DOP1B: variants seen among roughly 807,000 people sequenced by gnomAD.
DOP1B encodes the protein DOP1 leucine zipper like protein B.
In DOP1B, 174 loss-of-function variants were observed where a neutral mutation model predicts 233.5. The ratio of observed to expected loss-of-function variants is 0.75; its 90% CI spans 0.66 to 0.85. The LOEUF is 0.85. Among genes scored for constraint, DOP1B ranks in the 40% least tolerant of loss-of-function variants. The pLI is 0.00. For missense variants in DOP1B, 2,652 were observed against 2,846.6 expected (o/e 0.93, Z 1.56); for synonymous variants, 1,190 against 1,185.6 (o/e 1.00, Z -0.08).
intron 26 of DOP1B, among the ~76,000 whole-genome samples, chr21:36,267,429 C>G (rs2067242210): frequency 6.6e-6 from 1 of 152,126 alleles, no homozygotes. Flanking sequence ...CTACATTGGC[C>G]AGTATAGTAG....
intron 5 of DOP1B, among the ~76,000 whole-genome samples, chr21:36,209,859 G>A (rs969025606): frequency 5.3e-5 from 8 of 152,118 alleles, no homozygotes; most frequent in African/African-American, 1.7e-4. Context: ...TGTTCAGATT[G>A]AATTCGCAGG....
chr21:36,158,678 C>T (rs993436386), intron 1 of DOP1B, among the ~76,000 whole-genome samples: 4 of 151,792 alleles, frequency 2.6e-5, no homozygotes, highest in African/African-American at 9.7e-5. Flanking sequence ...TGGCATGCGC[C>T]TGTAGTCCCA....
At chr21:36,249,532 G>C (rs138368894) in intron 21 of DOP1B, among the ~76,000 whole-genome samples, 17 of 152,330 alleles carry the variant, frequency 1.1e-4, no homozygotes, top group African/African-American at 4.1e-4. Context: ...CTGCGAGACA[G>C]CTCATCTCTG....
chr21:36,168,024 A>G (rs1214340028), intron 2 of DOP1B, among the ~76,000 whole-genome samples: 2 of 139,558 alleles, frequency 1.4e-5, no homozygotes, highest in East Asian at 2.1e-4. Flanking sequence ...GCTAACTGCA[A>G]CCTCCACCTT....
intron 2 of DOP1B, among the ~76,000 whole-genome samples, chr21:36,193,721 A>C (rs910268809): frequency 6.6e-6 from 1 of 152,050 alleles, no homozygotes; most frequent in African/African-American, 2.4e-5. Flanking sequence ...ATCACGGAAA[A>C]GTCTCGTAAG....
At chr21:36,172,193 G>T (rs773847500) in intron 2 of DOP1B, among the ~76,000 whole-genome samples, 1 of 152,108 alleles carries the variant, frequency 6.6e-6, no homozygotes, top group African/African-American at 2.4e-5. Flanking sequence ...TTGCTCTGGC[G>T]GGGAGGGGAA....
chr21:36,202,221 G>A (rs2066376608), intron 4 of DOP1B, among the ~76,000 whole-genome samples: 1 of 152,074 alleles, frequency 6.6e-6, no homozygotes, highest in South Asian at 2.1e-4. Context: ...AAACCAGACT[G>A]TTGAGTATAC....
rs765165128 is a variant in DOP1B at position 36,245,903 on chromosome 21, ACT to A, written c.3928_3929del (p.Leu1310AlafsTer110). ...ACCCAGGTCCCCAACGTGTGCCCCC[ACT>A]CTCTGCTCCTGGAGCTGCTCACCTA... is the stretch of plus-strand genomic sequence containing the variant. On this transcript the variant is annotated frameshift_variant, in exon 19 of 37. Coordinates refer to ENST00000691173, the MANE Select transcript of DOP1B (RefSeq NM_001320714.2). LOFTEE classifies it high-confidence loss of function. This position sits in a 1 kb window ranked among gnomAD's most constrained non-coding sequence, Gnocchi z 5.5. 1.9e-6 allele frequency: 3 copies of A among 1,612,150 alleles called. No individual in the cohort carries two copies. The highest frequency in any genetic ancestry group is 2.5e-6 in the Non-Finnish European group (3 of 1,179,578).
intron 2 of DOP1B, among the ~76,000 whole-genome samples, chr21:36,192,434 C>T (rs539167934): frequency 1.3e-5 from 2 of 148,222 alleles, no homozygotes; most frequent in East Asian, 4.0e-4. Context: ...GGCTGGAGTA[C>T]AGTGGCATGA....
intron 14 of DOP1B, among the ~76,000 whole-genome samples, chr21:36,231,680 T>G (rs1054725394): frequency 4.8e-5 from 6 of 124,772 alleles, no homozygotes; most frequent in South Asian, 4.9e-4. Context: ...GGTTTTTTTG[T>G]TTTTTTTTTT....
intron 9 of DOP1B, among the ~76,000 whole-genome samples, chr21:36,216,936 A>G (rs564325325): frequency 6.6e-6 from 1 of 152,216 alleles, no homozygotes; most frequent in South Asian, 2.1e-4. Flanking sequence ...TTATCCAGGC[A>G]TGGTTGTGCA....
intron 2 of DOP1B, chr21:36,170,238 A>C: frequency 2.8e-6 from 1 of 363,358 alleles, no homozygotes; most frequent in Non-Finnish European, 5.1e-6. Flanking sequence ...GCATTTCCCT[A>C]ATGACTAATA....
At chr21:36,227,596 A>G in intron 12 of DOP1B, 90 bp from the exon 13 acceptor site, 1 of 1,170,214 alleles carries the variant, frequency 8.5e-7, no homozygotes, top group African/African-American at 1.5e-5. Flanking sequence ...TTTATGCCCT[A>G]AAAAATTGAA....
At chr21:36,186,204 C>CAA (rs397730267) in intron 2 of DOP1B, among the ~76,000 whole-genome samples, 6,214 of 143,600 alleles carry the variant, frequency 0.043, 181 homozygotes, top group Non-Finnish European at 0.059. Flanking sequence ...CTTCGTCTCA[C>CAA]AAAAAAAAAA....
chr21:36,184,466 G>T (rs1172765879), intron 2 of DOP1B, among the ~76,000 whole-genome samples: 1 of 152,202 alleles, frequency 6.6e-6, no homozygotes, highest in African/African-American at 2.4e-5. Context: ...TCATAGGCAT[G>T]AGCCACCGTG....
At chr21:36,281,433 C>T in intron 31 of DOP1B, 50 bp from the exon 32 acceptor site, 1 of 1,526,670 alleles carries the variant, frequency 6.6e-7, no homozygotes, top group Non-Finnish European at 8.9e-7. Flanking sequence ...CATCACTTCC[C>T]TCCAATTGTG....
chr21:36,237,457 C>A lies in DOP1B; in HGVS notation c.2775+43C>A, dbSNP rs1413443682. 2.5e-6 allele frequency: 4 copies of A among 1,609,868 alleles called. No homozygotes were observed. The East Asian group carries it at 6.7e-5, about 27-fold the overall frequency. ...CCACCTCCATCCTGCAGCACCCCGGCCCCTGCTGTACGTGCCCTTAGCCAA... is the reference window on the plus strand; with the variant it reads ...CCACCTCCATCCTGCAGCACCCCGGACCCTGCTGTACGTGCCCTTAGCCAA... On this transcript the variant is annotated intron_variant, in intron 16 of 36. Coordinates refer to ENST00000691173, the MANE Select transcript of DOP1B (RefSeq NM_001320714.2).
At position 36,225,611 on chromosome 21, in the gene DOP1B, C is replaced by A. The variant is rs138343054; in HGVS notation, c.1417C>A (p.Pro473Thr). The change falls in exon 12 of 37, where the codon CCC becomes ACC. Residue 473 changes from proline (P) to threonine (T), a missense_variant. Around this residue, in one of 3 missense-constraint regions of DOP1B, gnomAD observed 2,617 missense variants for 2,794.3 expected, o/e 0.94. Coordinates refer to ENST00000691173, the MANE Select transcript of DOP1B (RefSeq NM_001320714.2). ...CGTGAGGAACAGCGTCAGCCCTCCC[C>A]CCACGGTCTCGGAGCTCTGCGCCCT... ...YSVRNSVSPP[P>T]TVSELCALLV... The A allele has an allele frequency of 1.4e-5, 23 of 1,614,048 alleles. No homozygotes were observed. Among genetic ancestry groups the A allele is most frequent in the Middle Eastern group, 1.6e-4 (1 of 6,084 alleles).
intron 18 of DOP1B, among the ~76,000 whole-genome samples, chr21:36,241,031 AC>A (rs1214863364): frequency 6.6e-6 from 1 of 152,154 alleles, no homozygotes; most frequent in East Asian, 1.9e-4. Context: ...ACGGTGGCTC[AC>A]CCCTGTAATC....
Sources: allele counts gnomAD v4.1 joint callset (sites outside exome capture counted in the v4.1 genomes callset), GRCh38; gene constraint gnomAD v4.1.1; regional missense constraint gnomAD v4.1.1; non-coding constraint Gnocchi (gnomAD v3.1); transcripts MANE v1.5; gene names NCBI Gene and HGNC (gene_info 2026-07-23, HGNC 2026-07-21).